LRIG3: variants seen among roughly 807,000 people sequenced by gnomAD.
LRIG3 encodes leucine rich repeats and immunoglobulin like domains 3, also known as leucine-rich repeats and immunoglobulin-like domains protein 3.
LRIG3 carries 76 observed loss-of-function variants against 114.5 expected under a neutral mutation model. That is an observed-to-expected ratio of 0.66 (90% CI 0.55 to 0.80). The LOEUF (loss-of-function observed/expected upper bound fraction) is 0.80, where lower values mean the gene tolerates loss of function less well. Among genes scored for constraint, LRIG3 ranks in the 30% least tolerant of loss-of-function variants. The pLI is 0.00. For synonymous variants in LRIG3, 512 were observed against 519.8 expected (o/e 0.98, Z 0.20); for missense variants, 1,239 against 1,382.8 (o/e 0.90, Z 1.65).
At chr12:58,903,382 T>C (rs1330193927) in intron 3 of LRIG3, among the ~76,000 whole-genome samples, 5 of 152,234 alleles carry the variant, frequency 3.3e-5, no homozygotes, top group Non-Finnish European at 7.3e-5. Flanking sequence ...GAGAAGTGTC[T>C]GTTCATATCC....
Position 58,878,834 on chromosome 12 carries a change from C to T in LRIG3, c.2073G>A (p.Leu691=), listed in dbSNP as rs1490592205. The change falls in exon 14 of 19, where the codon CTG becomes CTA. Residue 691 remains leucine, a synonymous_variant. Coordinates refer to ENST00000320743, the MANE Select transcript of LRIG3 (RefSeq NM_153377.5). ...SAGSISANAT[L]TVLETPSFLR... ...AACAAATTCACCCACCTAGGACAGT[C>T]AGAGTTGCATTTGCTGAAATACTTC... The T allele has an allele frequency of 6.2e-7, 1 of 1,613,484 alleles. No homozygotes were observed. The highest frequency in any genetic ancestry group is 1.1e-5 in the South Asian group (1 of 91,040).
chr12:58,913,819 A>T, intron 3 of LRIG3, 163 bp downstream of exon 3: 1 of 587,112 alleles, frequency 1.7e-6, no homozygotes, highest in East Asian at 2.9e-5. Context: ...TGAGAGAGTT[A>T]GAGGCTAGAA....
At chr12:58,900,718 T>C (rs747999765) in intron 3 of LRIG3, among the ~76,000 whole-genome samples, 5 of 152,232 alleles carry the variant, frequency 3.3e-5, no homozygotes, top group East Asian at 1.9e-4. Flanking sequence ...ATATAGACAG[T>C]TGATTCCATA....
In LRIG3 at chr12:58,872,239, T is replaced by C. The variant is rs896609771; in HGVS notation, c.*333A>G. On this transcript the variant is annotated 3_prime_UTR_variant, in exon 19 of 19. Transcript: ENST00000320743. ...AAAAAATGGTACAAGGCAGGTATTATTTAAAATGCTTTAGTAACTCATTTT... is the reference window on the plus strand; with the variant it reads ...AAAAAATGGTACAAGGCAGGTATTACTTAAAATGCTTTAGTAACTCATTTT... The C allele has an allele frequency of 4.3e-5, 7 of 162,986 alleles. No individual in the cohort carries two copies. Among genetic ancestry groups the C allele is most frequent in the African/African-American group, 9.6e-5 (4 of 41,808 alleles). 10.1% of individuals were successfully genotyped at this position (162,986 alleles called of 1,614,324 possible). A position where few individuals can be genotyped will look rare whatever the true frequency, so the allele number is the denominator to read the frequency against.
chr12:58,879,493 C>T (rs1265324170), intron 13 of LRIG3, among the ~76,000 whole-genome samples: 2 of 152,110 alleles, frequency 1.3e-5, no homozygotes. Context: ...CCTGGTAGCT[C>T]TAACATTCTG....
chr12:58,902,985 T>C (rs1472506270), intron 3 of LRIG3, among the ~76,000 whole-genome samples: 3 of 152,136 alleles, frequency 2.0e-5, no homozygotes, highest in African/African-American at 7.2e-5. Context: ...GACACTTGGG[T>C]TGGTTCCAAG....
At position 58,914,056 on chromosome 12, in the gene LRIG3, C is replaced by T; in HGVS notation, c.309G>A (p.Val103=). 1 of 1,595,136 alleles carries T rather than the reference C, an allele frequency of 6.3e-7. No homozygotes were observed. The highest frequency in any genetic ancestry group is 8.5e-7 in the Non-Finnish European group (1 of 1,175,912). ...TCTCCAATTCATTGTTGTTCAGTTT[C>T]CTACAAATGCCAAAAAAAAAAAGAA... ...SMSHLQSLRE[V]KLNNNELETI... is the part of the protein sequence containing the mutation. Residue 103 remains valine, a splice_region_variant and synonymous_variant, in exon 3 of 19, where the codon GTG becomes GTA. Coordinates refer to ENST00000320743, the MANE Select transcript of LRIG3 (RefSeq NM_153377.5).
chr12:58,912,781 A>C (rs1872333708), intron 3 of LRIG3, among the ~76,000 whole-genome samples: 1 of 152,262 alleles, frequency 6.6e-6, no homozygotes, highest in Non-Finnish European at 1.5e-5. Context: ...GCAGATGTTT[A>C]CGATACCAAA....
At chr12:58,893,905 TAAC>T (rs1332697244) in intron 3 of LRIG3, among the ~76,000 whole-genome samples, 2 of 152,028 alleles carry the variant, frequency 1.3e-5, no homozygotes, top group Admixed American at 6.6e-5. Flanking sequence ...CGCTTGTATT[TAAC>T]AACAACAAAA....
At chr12:58,888,260 G>C in intron 7 of LRIG3, 69 bp downstream of exon 7, 1 of 1,545,192 alleles carries the variant, frequency 6.5e-7, no homozygotes, top group Non-Finnish European at 8.8e-7. Flanking sequence ...CAGATCAGTG[G>C]TAAGAAGCTC....
intron 15 of LRIG3, 151 bp downstream of exon 15, chr12:58,877,249 G>T: frequency 1.3e-6 from 1 of 768,266 alleles, no homozygotes; most frequent in Non-Finnish European, 2.0e-6. Flanking sequence ...TGGGGCTGGA[G>T]TTTTTTAGCG....
intron 3 of LRIG3, among the ~76,000 whole-genome samples, chr12:58,908,115 T>C (rs1416869157): frequency 6.6e-6 from 1 of 152,132 alleles, no homozygotes; most frequent in African/African-American, 2.4e-5. Context: ...CCCCAAAGCA[T>C]CTCCAATACA....
At chr12:58,895,868 C>T (rs1871624790) in intron 3 of LRIG3, among the ~76,000 whole-genome samples, 1 of 152,180 alleles carries the variant, frequency 6.6e-6, no homozygotes, top group African/African-American at 2.4e-5. Context: ...CCTCTGGTTT[C>T]CAGGGCACAC....
intron 13 of LRIG3, among the ~76,000 whole-genome samples, chr12:58,879,730 C>G (rs1871054001): frequency 6.6e-6 from 1 of 152,226 alleles, no homozygotes; most frequent in Non-Finnish European, 1.5e-5. Context: ...CAGTGGCTAA[C>G]AGTGCATTTA....
chr12:58,886,839 A>G lies in LRIG3; in HGVS notation c.1143T>C (p.Ala381=). 1 of 1,613,722 alleles carries G rather than the reference A, an allele frequency of 6.2e-7. No individual in the cohort carries two copies. The highest frequency in any genetic ancestry group is 8.5e-7 in the Non-Finnish European group (1 of 1,179,686). Residue 381 remains alanine (A), a synonymous_variant, in exon 9 of 19, where the codon GCT becomes GCC. Transcript: ENST00000320743. Reference sequence around the variant, plus strand: ...GCCTCAGTTTGTCAAGCCCAGAGAAAGCACCATTCATGTCTTCAATAGTCC... The same window carrying G: ...GCCTCAGTTTGTCAAGCCCAGAGAAGGCACCATTCATGTCTTCAATAGTCC... ...ISWTIEDMNG[A]FSGLDKLRRL...
At chr12:58,873,915 C>G in intron 18 of LRIG3, 140 bp downstream of exon 18, 3 of 977,362 alleles carry the variant, frequency 3.1e-6, no homozygotes, top group Non-Finnish European at 4.6e-6. Context: ...GGCATTTACA[C>G]TAACTAGTCG....
At chr12:58,913,851 C>A in intron 3 of LRIG3, 131 bp downstream of exon 3, 2 of 685,434 alleles carry the variant, frequency 2.9e-6, no homozygotes, top group Non-Finnish European at 4.8e-6. Flanking sequence ...CAATTTAAAG[C>A]GCGTATCTTT....
Position 58,876,480 on chromosome 12 carries a change from C to G in LRIG3, c.2660G>C (p.Gly887Ala). ...ATGTTGTGGTAAGAAAAATCCAGCACCTGAAGATGTGACAAACTGGTGGTG... is the reference window on the plus strand; with the variant it reads ...ATGTTGTGGTAAGAAAAATCCAGCAGCTGAAGATGTGACAAACTGGTGGTG... ...GSHHQFVTSSGAGFFLPQHDS... is the reference protein window; with the variant it reads ...GSHHQFVTSSAAGFFLPQHDS... The change falls in exon 16 of 19, where the codon GGT becomes GCT. Residue 887 changes from glycine to alanine, a missense_variant. Coordinates refer to ENST00000320743, the MANE Select transcript of LRIG3 (RefSeq NM_153377.5). The G allele has an allele frequency of 6.2e-7, 1 of 1,614,048 alleles. No homozygotes were observed. Among genetic ancestry groups the G allele is most frequent in the South Asian group, 1.1e-5 (1 of 91,072 alleles).
intron 9 of LRIG3, among the ~76,000 whole-genome samples, chr12:58,886,348 T>C (rs1165416855): frequency 3.9e-5 from 6 of 151,978 alleles, no homozygotes; most frequent in Non-Finnish European, 8.8e-5. Context: ...AATTTGACCA[T>C]CTGCAAGACC....
Sources: allele counts gnomAD v4.1 joint callset (sites outside exome capture counted in the v4.1 genomes callset), GRCh38; gene constraint gnomAD v4.1.1; transcripts MANE v1.5; gene names NCBI Gene and HGNC (gene_info 2026-07-23, HGNC 2026-07-21).